Variants in DIP2B observed in about 807,000 individuals in gnomAD.
The protein encoded by DIP2B is disco-interacting protein 2 homolog B.
A neutral mutation model predicts 198.0 loss-of-function variants in DIP2B; 76 were observed. The observed-to-expected ratio is 0.38, with a 90% CI of 0.32 to 0.46. The LOEUF is 0.46. Ranked by LOEUF, DIP2B falls within the 20% of genes least tolerant of loss-of-function variation. DIP2B has a pLI of 0.99. For synonymous variants in DIP2B, 701 were observed against 739.1 expected (o/e 0.95, Z 0.84); for missense variants, 1,559 against 1,978.4 (o/e 0.79, Z 4.02).
chr12:50,727,624 A>G (rs1027256270), intron 28 of DIP2B, 79 bp from the exon 29 acceptor site: 2 of 1,354,456 alleles, frequency 1.5e-6, no homozygotes, highest in South Asian at 1.2e-5. Context: ...AAATTTGGCC[A>G]TAGCAAAGCC....
chr12:50,746,991 A>G lies in DIP2B; in HGVS notation c.*2152A>G, dbSNP rs1382821399. On this transcript the variant is annotated 3_prime_UTR_variant, in exon 38 of 38. Coordinates refer to ENST00000301180, the MANE Select transcript of DIP2B (RefSeq NM_173602.3). The stretch of plus-strand genomic sequence containing the variant: ...ATCTGTAATTTAAATGTTTCTAGTA[A>G]CCACATTTTTTTAAAAGTAAAAAGA... 1.3e-5 allele frequency: 2 copies of G among 152,182 alleles called. No individual in the cohort carries two copies. The highest frequency in any genetic ancestry group is 3.8e-4 in the East Asian group (2 of 5,198). The allele number at this position is 152,182 out of a possible 1,614,324, so 9.4% of individuals were successfully genotyped here. A position where few individuals can be genotyped will look rare whatever the true frequency, so the allele number is the denominator to read the frequency against.
intron 1 of DIP2B, among the ~76,000 whole-genome samples, chr12:50,617,061 G>A (rs985982431): frequency 2.0e-5 from 3 of 152,120 alleles, no homozygotes; most frequent in African/African-American, 7.2e-5. Context: ...TACATTTAAA[G>A]GATAGAATAG....
chr12:50,686,016 T>C, intron 11 of DIP2B, 60 bp downstream of exon 11: 1 of 1,547,478 alleles, frequency 6.5e-7, no homozygotes. Flanking sequence ...TTTAATTAGC[T>C]TTTTAATTTA....
In DIP2B at chr12:50,667,580, T is replaced by C. The variant is rs916341290; in HGVS notation, c.428-3606T>C. Among the ~76,000 whole-genome samples the C allele has an allele frequency of 2.0e-5, 3 of 152,218 alleles. No homozygotes were observed. In the East Asian group the frequency reaches 5.8e-4, roughly 29 times the overall value. On this transcript the variant is annotated intron_variant, in intron 4 of 37. Coordinates refer to ENST00000301180, the MANE Select transcript of DIP2B (RefSeq NM_173602.3). The stretch of plus-strand genomic sequence containing the variant: ...ATGTAGACTTCACTACATAATCGTC[T>C]TTTAACTTTACCCGGATAGTTTCTT...
chr12:50,535,888 C>T (rs1185377446), intron 1 of DIP2B, among the ~76,000 whole-genome samples: 1 of 144,744 alleles, frequency 6.9e-6, no homozygotes, highest in African/African-American at 2.6e-5. Context: ...GTGATGTTCC[C>T]CTTCCTGTGT....
At position 50,634,106 on chromosome 12, in the gene DIP2B, G is replaced by T. The variant is rs966087249; in HGVS notation, c.173-6618G>T. On this transcript the variant is annotated intron_variant, in intron 2 of 37. Transcript: ENST00000301180. ...AGCTGTCTGCTCTTTGAAAGGAATG[G>T]CCCACAGAACATCTTTCAGTAGTTG... is the stretch of plus-strand genomic sequence containing the variant. Among the ~76,000 whole-genome samples, 8 of 152,100 alleles carry T rather than the reference G, an allele frequency of 5.3e-5. No individual in the cohort carries two copies. The East Asian group carries it at 1.5e-3, about 29-fold the overall frequency.
intron 16 of DIP2B, among the ~76,000 whole-genome samples, chr12:50,696,292 G>A (rs1939310605): frequency 6.6e-6 from 1 of 152,210 alleles, no homozygotes; most frequent in Non-Finnish European, 1.5e-5. Flanking sequence ...CAGTCATGCA[G>A]TATGTGGTCT....
chr12:50,717,660 C>T (rs1258732886), intron 23 of DIP2B, among the ~76,000 whole-genome samples: 3 of 152,038 alleles, frequency 2.0e-5, no homozygotes, highest in South Asian at 2.1e-4. Context: ...AGCCACCACG[C>T]CTGGCCTGCA....
At chr12:50,660,836 G>T (rs1337992883) in intron 4 of DIP2B, among the ~76,000 whole-genome samples, 1 of 152,108 alleles carries the variant, frequency 6.6e-6, no homozygotes, top group Non-Finnish European at 1.5e-5. Flanking sequence ...GTATATAAGT[G>T]TGTTTATGTG....
intron 1 of DIP2B, among the ~76,000 whole-genome samples, chr12:50,517,862 C>A (rs1278885868): frequency 1.3e-5 from 2 of 152,140 alleles, no homozygotes. Context: ...GTTTCAGTTT[C>A]CTGTGAGTTT....
intron 1 of DIP2B, among the ~76,000 whole-genome samples, chr12:50,574,428 A>C (rs1004869157): frequency 6.6e-6 from 1 of 152,234 alleles, no homozygotes; most frequent in Non-Finnish European, 1.5e-5. Flanking sequence ...TTGGTTTGCT[A>C]AGTGAATTCC....
rs927961363 is a variant in DIP2B at position 50,695,926 on chromosome 12, G to A, written c.1892G>A (p.Ser631Asn). Residue 631 changes from serine (S) to asparagine (N), a missense_variant, in exon 16 of 38, where the codon AGT (serine) becomes AAT (asparagine). Ser to Asn is a conservative substitution (Grantham distance 46). Coordinates refer to ENST00000301180, the MANE Select transcript of DIP2B (RefSeq NM_173602.3). ...AHRDQRDVSL[S>N]SLRMLIVTDG... Reference sequence around the variant, plus strand: ...CGGGACCAAAGAGACGTGAGCTTGAGTTCCCTCCGAATGTTAATTGTGACT... The same window carrying A: ...CGGGACCAAAGAGACGTGAGCTTGAATTCCCTCCGAATGTTAATTGTGACT... 3.1e-6 allele frequency: 5 copies of A among 1,614,002 alleles called. No homozygotes were observed. The highest frequency in any genetic ancestry group is 3.3e-5 in the Admixed American group (2 of 59,998).
At chr12:50,647,836 C>T (rs757582497) in intron 3 of DIP2B, among the ~76,000 whole-genome samples, 3 of 151,940 alleles carry the variant, frequency 2.0e-5, no homozygotes, top group Admixed American at 6.5e-5. Flanking sequence ...AGCAGCTGGC[C>T]GGGCACAGTG....
chr12:50,600,710 G>A (rs1958926912), intron 1 of DIP2B, among the ~76,000 whole-genome samples: 1 of 152,120 alleles, frequency 6.6e-6, no homozygotes, highest in Non-Finnish European at 1.5e-5. Flanking sequence ...AAAGATGAAT[G>A]AGTGAGTGGG....
chr12:50,586,885 A>T (rs1234143621), intron 1 of DIP2B, among the ~76,000 whole-genome samples: 1 of 152,232 alleles, frequency 6.6e-6, no homozygotes, highest in Non-Finnish European at 1.5e-5. Flanking sequence ...AAATTTTTTT[A>T]AATAAAAAGC....
intron 7 of DIP2B, among the ~76,000 whole-genome samples, chr12:50,676,011 A>G (rs1444351602): frequency 6.6e-6 from 1 of 152,242 alleles, no homozygotes; most frequent in Non-Finnish European, 1.5e-5. Context: ...CTATCAGCCA[A>G]TATAGGCACT....
At chr12:50,595,618 CAG>C (rs1958871878) in intron 1 of DIP2B, among the ~76,000 whole-genome samples, 3 of 152,154 alleles carry the variant, frequency 2.0e-5, no homozygotes, top group Non-Finnish European at 4.4e-5. Flanking sequence ...TTTTTATTAA[CAG>C]AAAGTATCAA....
intron 1 of DIP2B, among the ~76,000 whole-genome samples, chr12:50,522,665 A>G (rs910275150): frequency 2.6e-5 from 4 of 152,226 alleles, no homozygotes; most frequent in African/African-American, 9.7e-5. Context: ...ATAACATAAC[A>G]TTGAGTAAAA....
intron 1 of DIP2B, among the ~76,000 whole-genome samples, chr12:50,600,227 A>G (rs570258510): frequency 6.6e-6 from 1 of 152,356 alleles, no homozygotes; most frequent in East Asian, 1.9e-4. Context: ...TGATTTAGAC[A>G]TCTTTTGACA....
Sources: gnomAD v4.1 joint callset for allele counts (sites outside exome capture counted in the v4.1 genomes callset) on GRCh38, gnomAD v4.1.1 for gene constraint, MANE v1.5 for transcripts, NCBI Gene and HGNC (gene_info 2026-07-23, HGNC 2026-07-21) for gene names.